Variants in RAB28 observed in about 807,000 individuals in gnomAD.
RAB28 encodes RAB28, member RAS oncogene family.
In RAB28, 24 loss-of-function variants were observed where a neutral mutation model predicts 31.7. The observed-to-expected ratio is 0.76, with a 90% CI of 0.55 to 1.06. The LOEUF (loss-of-function observed/expected upper bound fraction) is 1.06, where lower values mean the gene tolerates loss of function less well. Ranked by LOEUF, RAB28 falls within the 50% of genes least tolerant of loss-of-function variation. The probability of loss-of-function intolerance (pLI) is 0.00; values close to 1 mark genes in which losing one functional copy is unlikely to be tolerated. For missense variants in RAB28, 254 were observed against 258.5 expected, an observed-to-expected ratio of 0.98 and a Z score of 0.12; for synonymous variants, 100 against 90.4, an observed-to-expected ratio of 1.11 and a Z score of -0.60.
At chr4:13,433,151 G>GA (rs1007081555) in intron 4 of RAB28, among the ~76,000 whole-genome samples, 3 of 138,708 alleles carry the variant, frequency 2.2e-5, no homozygotes, top group African/African-American at 7.9e-5. Flanking sequence ...AAAAAAAAAA[G>GA]AAAAAAAAGA....
intron 4 of RAB28, among the ~76,000 whole-genome samples, chr4:13,425,583 T>C (rs933352036): frequency 4.6e-5 from 7 of 152,256 alleles, no homozygotes; most frequent in East Asian, 3.9e-4. Context: ...ACACATGCAA[T>C]TGAAAAGGAG....
intron 6 of RAB28, among the ~76,000 whole-genome samples, chr4:13,372,805 G>A (rs147205094): frequency 6.6e-6 from 1 of 151,954 alleles, no homozygotes; most frequent in Non-Finnish European, 1.5e-5. Flanking sequence ...GGTTAAATGG[G>A]TACTTGTACT....
At chr4:13,461,695 A>T (rs1715598320) in intron 3 of RAB28, among the ~76,000 whole-genome samples, 1 of 152,214 alleles carries the variant, frequency 6.6e-6, no homozygotes, top group Admixed American at 6.5e-5. Flanking sequence ...AAGGAGAAGT[A>T]TATATGCACA....
At chr4:13,373,573 G>A (rs2108875285) in intron 6 of RAB28, among the ~76,000 whole-genome samples, 1 of 152,182 alleles carries the variant, frequency 6.6e-6, no homozygotes, top group East Asian at 1.9e-4. Context: ...CTCAAAATAT[G>A]GTTACTGTGT....
chr4:13,374,090 C>T (rs1728828526), intron 6 of RAB28, among the ~76,000 whole-genome samples: 1 of 151,958 alleles, frequency 6.6e-6, no homozygotes, highest in Admixed American at 6.6e-5. Context: ...TTGGCAAAAA[C>T]ACCAAATTCA....
chr4:13,476,510 T>A (rs114306986), intron 2 of RAB28, among the ~76,000 whole-genome samples: 2,560 of 151,658 alleles, frequency 0.017, 75 homozygotes, highest in African/African-American at 0.058. Flanking sequence ...ACTTCTTATA[T>A]CTAGAAATAT....
chr4:13,408,327 CAT>C (rs1553868911), intron 4 of RAB28, among the ~76,000 whole-genome samples: 2 of 152,094 alleles, frequency 1.3e-5, no homozygotes, highest in Non-Finnish European at 2.9e-5. Flanking sequence ...TTGATTTGCA[CAT>C]GTTGAACCAC....
At position 13,393,948 on chromosome 4, in the gene RAB28, T is replaced by C. The variant is rs75393676; in HGVS notation, c.392-12354A>G. 1.2e-3 allele frequency among the ~76,000 whole-genome samples: 176 copies of C among 151,814 alleles called. 3 individuals carry two copies. Among genetic ancestry groups the C allele is most frequent in the East Asian group, 0.011 (56 of 5,166 alleles). ...TAAATAAATATGACCACCTATTATATGTCAAGTACTGTGCTAGTAAGCACA... is the reference window on the plus strand; with the variant it reads ...TAAATAAATATGACCACCTATTATACGTCAAGTACTGTGCTAGTAAGCACA... On this transcript the variant is annotated intron_variant, in intron 4 of 6. Transcript: ENST00000330852.
At chr4:13,401,183 T>C (rs1037468850) in intron 4 of RAB28, among the ~76,000 whole-genome samples, 2 of 152,250 alleles carry the variant, frequency 1.3e-5, no homozygotes, top group Admixed American at 6.5e-5. Flanking sequence ...TAAAACCTTC[T>C]GGATCCACAG....
intron 4 of RAB28, among the ~76,000 whole-genome samples, chr4:13,425,263 T>C (rs1020225638): frequency 6.6e-6 from 1 of 152,170 alleles, no homozygotes; most frequent in Non-Finnish European, 1.5e-5. Context: ...TTTAGAAGTG[T>C]ACCAAATGTA....
intron 5 of RAB28, among the ~76,000 whole-genome samples, chr4:13,378,912 GC>G (rs1267442460): frequency 2.6e-5 from 4 of 151,998 alleles, no homozygotes; most frequent in African/African-American, 9.7e-5. Context: ...GAGAAGAGAA[GC>G]TATGAAATAG....
chr4:13,471,598 C>T (rs1351359096), intron 3 of RAB28, among the ~76,000 whole-genome samples: 1 of 151,902 alleles, frequency 6.6e-6, no homozygotes, highest in Non-Finnish European at 1.5e-5. Flanking sequence ...AACTCCTGGA[C>T]TCACGTGATC....
intron 3 of RAB28, chr4:13,473,781 A>C (rs756474741): frequency 4.1e-5 from 13 of 320,708 alleles, no homozygotes; most frequent in South Asian, 3.0e-4. Context: ...TCTTCTGAAA[A>C]TACAGCATTA....
chr4:13,446,692 A>T (rs2108946920), intron 4 of RAB28, among the ~76,000 whole-genome samples: 1 of 152,144 alleles, frequency 6.6e-6, no homozygotes, highest in East Asian at 1.9e-4. Context: ...CTGCCTAACC[A>T]GTCCCAATGA....
chr4:13,422,857 C>T (rs544522653), intron 4 of RAB28, among the ~76,000 whole-genome samples: 1 of 151,400 alleles, frequency 6.6e-6, no homozygotes, highest in African/African-American at 2.4e-5. Context: ...ATAAAACAAA[C>T]CTGCATGTTG....
At chr4:13,369,761 T>A (rs189718232) in intron 6 of RAB28, 13 of 1,045,186 alleles carry the variant, frequency 1.2e-5, no homozygotes, top group Non-Finnish European at 1.5e-5. Flanking sequence ...CTTCCAATAA[T>A]GTACAATAAT....
chr4:13,421,104 A>C (rs1713110674), intron 4 of RAB28, among the ~76,000 whole-genome samples: 1 of 152,236 alleles, frequency 6.6e-6, no homozygotes, highest in South Asian at 2.1e-4. Context: ...ATTCATATAC[A>C]CAAATAACAG....
chr4:13,424,409 C>T (rs1468595831), intron 4 of RAB28, among the ~76,000 whole-genome samples: 1 of 152,184 alleles, frequency 6.6e-6, no homozygotes, highest in Non-Finnish European at 1.5e-5. Flanking sequence ...ACATAACTTT[C>T]TTCCTGTGTG....
chr4:13,371,933 C>T, intron 6 of RAB28: 2 of 1,404,922 alleles, frequency 1.4e-6, no homozygotes, highest in South Asian at 2.5e-5. Flanking sequence ...GAGCATTTGC[C>T]AAGTGTATAC....
Sources: gnomAD v4.1 joint callset for allele counts (sites outside exome capture counted in the v4.1 genomes callset) on GRCh38, gnomAD v4.1.1 for gene constraint, MANE v1.5 for transcripts, NCBI Gene and HGNC (gene_info 2026-07-23, HGNC 2026-07-21) for gene names.